Variants in MTSS2 observed in about 807,000 individuals in gnomAD.
The protein encoded by MTSS2 is MTSS I-BAR domain containing 2, also known as protein MTSS 2.
In MTSS2, 27 loss-of-function variants were observed where a neutral mutation model predicts 67.1. The ratio of observed to expected loss-of-function variants is 0.40; its 90% CI spans 0.30 to 0.55. The LOEUF is 0.55. MTSS2 is among the 20% of genes least tolerant of loss of function. MTSS2 has a pLI of 0.43. For missense variants in MTSS2, 1,171 were observed against 1,067.8 expected (o/e 1.10, Z -1.35); for synonymous variants, 624 against 468.6 (o/e 1.33, Z -4.28).
At chr16:70,665,125 G>C in intron 12 of MTSS2, 29 bp from the exon 13 acceptor site, 1 of 1,574,760 alleles carries the variant, frequency 6.4e-7, no homozygotes, top group Non-Finnish European at 8.6e-7. Flanking sequence ...AGGTCAGGGG[G>C]ACCACTGGCC....
Position 70,664,926 on chromosome 16 carries a change from T to A in MTSS2, c.1299A>T (p.Ala433=), listed in dbSNP as rs1412585949. 1.3e-6 allele frequency: 2 copies of A among 1,548,000 alleles called. No homozygotes were observed. Among genetic ancestry groups the A allele is most frequent in the Admixed American group, 1.9e-5 (1 of 51,540 alleles). The part of the protein sequence containing the change: ...PRPRMSPATI[A]AKHGEEVSPA... Reference sequence around the variant, plus strand: ...GGGGCCCTGGCCAGCCTACCTTGGCTGCGATGGTGGCAGGGGACATCCGGG... The same window carrying A: ...GGGGCCCTGGCCAGCCTACCTTGGCAGCGATGGTGGCAGGGGACATCCGGG... The change falls in exon 13 of 15, where the codon GCA becomes GCT. Residue 433 remains alanine (A), a synonymous_variant. Transcript: ENST00000338779.
rs879799767 is a variant in MTSS2 at position 70,661,893 on chromosome 16, G to C, written c.*1784C>G. On this transcript the variant is annotated 3_prime_UTR_variant, in exon 15 of 15. Transcript: ENST00000338779. The stretch of plus-strand genomic sequence containing the variant: ...CTCGGAAGACCCCTGCAGCCCTGGG[G>C]AGAATGTGTGGCGGAAATTCTACCC... 2.5e-4 allele frequency: 39 copies of C among 154,774 alleles called. No individual in the cohort carries two copies. The highest frequency in any genetic ancestry group is 5.3e-4 in the Non-Finnish European group (37 of 69,744). The allele number at this position is 154,774 out of a possible 1,614,324, so 9.6% of individuals were successfully genotyped here.
chr16:70,685,668 C>T, intron 1 of MTSS2, 55 bp downstream of exon 1: 1 of 1,108,702 alleles, frequency 9.0e-7, no homozygotes, highest in Non-Finnish European at 1.1e-6. Flanking sequence ...GCCACGCGTC[C>T]CCGGGGGGTC....
intron 1 of MTSS2, among the ~76,000 whole-genome samples, chr16:70,684,386 G>C (rs1299700768): frequency 6.6e-6 from 1 of 151,616 alleles, no homozygotes; most frequent in Non-Finnish European, 1.5e-5. Context: ...GGGGTGGGGG[G>C]CATCTACAAG....
At chr16:70,680,163 G>A (rs933632563) in intron 3 of MTSS2, 108 bp from the exon 4 acceptor site, 23 of 630,046 alleles carry the variant, frequency 3.7e-5, no homozygotes, top group Non-Finnish European at 4.9e-5. Context: ...CGCAGCCCGC[G>A]CCCTGCCCCC....
chr16:70,663,437 G>A lies in MTSS2; in HGVS notation c.*240C>T, dbSNP rs2052566591. ...GAGGAGGAAGAGGAGGGACCGAAGA[G>A]CATAAAACAGACCCCGAACCAGGCC... On this transcript the variant is annotated 3_prime_UTR_variant, in exon 15 of 15. Coordinates refer to ENST00000338779, the MANE Select transcript of MTSS2 (RefSeq NM_138383.3). 2 of 655,616 alleles carry A rather than the reference G, an allele frequency of 3.1e-6. No homozygotes were observed. The highest frequency in any genetic ancestry group is 6.2e-5 in the East Asian group (2 of 32,358). 40.6% of individuals were successfully genotyped at this position (655,616 alleles called of 1,614,324 possible).
At chr16:70,667,844 G>A (rs2052774569) in intron 11 of MTSS2, among the ~76,000 whole-genome samples, 1 of 152,068 alleles carries the variant, frequency 6.6e-6, no homozygotes, top group South Asian at 2.1e-4. Context: ...CTGCACTCCA[G>A]CCTGGGTGAC....
intron 2 of MTSS2, 46 bp downstream of exon 2, chr16:70,680,918 G>GCAGAGGCCCCCCCC: frequency 9.1e-7 from 1 of 1,097,920 alleles, no homozygotes; most frequent in Non-Finnish European, 1.3e-6. Flanking sequence ...CGGGGGGGGG[G>GCAGAGGCCCCCCCC]CCTCTGCCTG....
intron 1 of MTSS2, among the ~76,000 whole-genome samples, chr16:70,682,638 G>T (rs2053336390): frequency 6.6e-6 from 1 of 151,424 alleles, no homozygotes; most frequent in South Asian, 2.1e-4. Flanking sequence ...AGTCTCTAAG[G>T]ACCTGGACCC....
Position 70,661,666 on chromosome 16 carries a change from G to A in MTSS2, c.*2011C>T. ...CGGGGGTGGTCTCAGGGATGGACAA[G>A]GGGATGGAGTAGAGTATGTACAGCC... is the stretch of plus-strand genomic sequence containing the variant. On this transcript the variant is annotated 3_prime_UTR_variant, in exon 15 of 15. Transcript: ENST00000338779. 3.0e-6 allele frequency: 1 copy of A among 334,924 alleles called. No homozygotes were observed. The highest frequency in any genetic ancestry group is 5.8e-6 in the Non-Finnish European group (1 of 172,684). 20.7% of individuals were successfully genotyped at this position (334,924 alleles called of 1,614,324 possible). A position where few individuals can be genotyped will look rare whatever the true frequency, so the allele number is the denominator to read the frequency against.
rs1180980401 is a variant in MTSS2, at chr16:70,663,834, G to C, written c.2087C>G (p.Pro696Arg). Reference protein sequence around the residue: ...HALGEGQFPFPTALSATPTEE... With the variant: ...HALGEGQFPFRTALSATPTEE... The stretch of plus-strand genomic sequence containing the variant: ...CGTGGGGGTGGCCGACAGAGCAGTG[G>C]GGAAGGGGAACTGGCCCTCACCCAG... Residue 696 changes from proline (P) to arginine (R), a missense_variant, in exon 15 of 15, where the codon CCC (proline) becomes CGC (arginine). By Grantham distance (103) the Pro-to-Arg change is moderately radical (BLOSUM62 -2). Around this residue, in one of 2 missense-constraint regions of MTSS2, gnomAD observed 924 missense variants for 756.0 expected, o/e 1.22. Coordinates refer to ENST00000338779, the MANE Select transcript of MTSS2 (RefSeq NM_138383.3). The C allele has an allele frequency of 3.2e-6, 5 of 1,539,516 alleles. No individual in the cohort carries two copies. The highest frequency in any genetic ancestry group is 2.7e-5 in the African/African-American group (2 of 72,962).
chr16:70,669,743 G>T (rs1168332599), intron 11 of MTSS2, among the ~76,000 whole-genome samples: 2 of 151,348 alleles, frequency 1.3e-5, no homozygotes, highest in Non-Finnish European at 2.9e-5. Flanking sequence ...CCTGAGCCCG[G>T]GAGGCGGAGG....
rs2052543978 is a variant in MTSS2, at chr16:70,662,990, G to C, written c.*687C>G. On this transcript the variant is annotated 3_prime_UTR_variant, in exon 15 of 15. Coordinates refer to ENST00000338779, the MANE Select transcript of MTSS2 (RefSeq NM_138383.3). The stretch of plus-strand genomic sequence containing the variant: ...CCAGCCAGCCTCACGGGGTGGGGGA[G>C]GCGAGGGGTGGGAGCCACCACAGGG... The C allele has an allele frequency of 6.5e-6, 1 of 152,732 alleles. No individual in the cohort carries two copies. Among genetic ancestry groups the C allele is most frequent in the Non-Finnish European group, 1.5e-5 (1 of 68,556 alleles). 9.5% of individuals were successfully genotyped at this position (152,732 alleles called of 1,614,324 possible).
At chr16:70,674,897 G>C (rs927271501) in intron 10 of MTSS2, among the ~76,000 whole-genome samples, 1 of 152,178 alleles carries the variant, frequency 6.6e-6, no homozygotes, top group African/African-American at 2.4e-5. Context: ...TGGATCATTT[G>C]AGGACAGGAG....
chr16:70,665,175 G>A, intron 12 of MTSS2, 79 bp from the exon 13 acceptor site: 1 of 1,472,506 alleles, frequency 6.8e-7, no homozygotes, highest in Non-Finnish European at 9.0e-7. Flanking sequence ...TGTGGCTGAG[G>A]CTCAGGGTGT....
chr16:70,664,353 ATGT>A lies in MTSS2; in HGVS notation c.1565_1567del (p.Asn522del). On this transcript the variant is annotated inframe_deletion, in exon 15 of 15. Coordinates refer to ENST00000338779, the MANE Select transcript of MTSS2 (RefSeq NM_138383.3). ...GATCAGGCGGCGGTAGTTCTGGGCG[ATGT>A]TGCTGTTGCGCGGGATGGTGGATGA... 1 of 1,596,792 alleles carries A rather than the reference ATGT, an allele frequency of 6.3e-7. No homozygotes were observed. Among genetic ancestry groups the A allele is most frequent in the Non-Finnish European group, 8.5e-7 (1 of 1,173,598 alleles).
Position 70,678,420 on chromosome 16 carries a change from G to A in MTSS2, c.467-11C>T. 6.2e-7 allele frequency: 1 copy of A among 1,603,414 alleles called. No individual in the cohort carries two copies. The highest frequency in any genetic ancestry group is 8.5e-7 in the Non-Finnish European group (1 of 1,174,674). ...GCAGGTCTCCTTTCCCTGGAGGGGT[G>A]GGGAGGAGAGGCCTTGCTGGGGATG... On this transcript the variant is annotated splice_polypyrimidine_tract_variant and intron_variant, in intron 7 of 14. Coordinates refer to ENST00000338779, the MANE Select transcript of MTSS2 (RefSeq NM_138383.3).
rs981497720 is a variant in MTSS2 at position 70,661,301 on chromosome 16, G to C, written c.*2376C>G. The stretch of plus-strand genomic sequence containing the variant: ...TTTAAATCGGGGAGGATGGTGTGGA[G>C]GGGGCGGGGAGGAGAGGAGAATTTT... On this transcript the variant is annotated 3_prime_UTR_variant, in exon 15 of 15. Transcript: ENST00000338779. 4.4e-6 allele frequency: 2 copies of C among 455,478 alleles called. No individual in the cohort carries two copies. Among genetic ancestry groups the C allele is most frequent in the Non-Finnish European group, 8.8e-6 (2 of 226,678 alleles). 28.2% of individuals were successfully genotyped at this position (455,478 alleles called of 1,614,324 possible).
chr16:70,679,013 CAAGT>C (rs780511378), intron 7 of MTSS2, among the ~76,000 whole-genome samples: 3 of 152,146 alleles, frequency 2.0e-5, no homozygotes, highest in African/African-American at 7.2e-5. Context: ...GAGGAGGTGA[CAAGT>C]AAGGACGCAG....
Sources: allele counts gnomAD v4.1 joint callset (sites outside exome capture counted in the v4.1 genomes callset), GRCh38; gene constraint gnomAD v4.1.1; regional missense constraint gnomAD v4.1.1; transcripts MANE v1.5; gene names NCBI Gene and HGNC (gene_info 2026-07-23, HGNC 2026-07-21).